Variants in MCF2L2 observed in about 807,000 individuals in gnomAD.
MCF2L2 encodes the protein probable guanine nucleotide exchange factor MCF2L2.
In MCF2L2, 102 loss-of-function variants were observed where a neutral mutation model predicts 150.2. The ratio of observed to expected loss-of-function variants is 0.68; its 90% CI spans 0.58 to 0.80. The LOEUF (loss-of-function observed/expected upper bound fraction) is 0.80. MCF2L2 is among the 30% of genes least tolerant of loss of function. MCF2L2 has a pLI of 0.00. For missense variants in MCF2L2, 1,256 were observed against 1,372.8 expected, an observed-to-expected ratio of 0.91 and a Z score of 1.34; for synonymous variants, 465 against 491.3, an observed-to-expected ratio of 0.95 and a Z score of 0.71.
chr3:183,417,969 C>T (rs144048735), intron 1 of MCF2L2, among the ~76,000 whole-genome samples: 13,087 of 152,180 alleles, frequency 0.086, 581 homozygotes, highest in African/African-American at 0.1. Context: ...GGGCAGATCA[C>T]CTGAGGTCAG....
At chr3:183,223,308 T>C (rs1723211283) in intron 20 of MCF2L2, 38 bp downstream of exon 20, 2 of 1,519,600 alleles carry the variant, frequency 1.3e-6, no homozygotes, top group Non-Finnish European at 1.8e-6. Context: ...AGGCGTCTGG[T>C]TTCCCACCAA....
chr3:183,187,262 G>A (rs1721731491), intron 27 of MCF2L2, among the ~76,000 whole-genome samples: 2 of 152,148 alleles, frequency 1.3e-5, no homozygotes, highest in South Asian at 4.1e-4. Flanking sequence ...GAGACCCTGA[G>A]GTACCCGACG....
chr3:183,250,388 C>A (rs2108693769), intron 15 of MCF2L2, among the ~76,000 whole-genome samples: 1 of 152,040 alleles, frequency 6.6e-6, no homozygotes, highest in African/African-American at 2.4e-5. Flanking sequence ...GAGTTCAAGA[C>A]CTGCCTGGCC....
intron 5 of MCF2L2, among the ~76,000 whole-genome samples, chr3:183,337,574 G>GA (rs1306078901): frequency 4.2e-5 from 6 of 142,628 alleles, no homozygotes; most frequent in Admixed American, 6.9e-5. Flanking sequence ...AAAAAAAGAA[G>GA]AAAAAAAAGA....
At chr3:183,349,238 G>C (rs1731017307) in intron 3 of MCF2L2, among the ~76,000 whole-genome samples, 2 of 151,804 alleles carry the variant, frequency 1.3e-5, no homozygotes, top group Admixed American at 6.6e-5. Flanking sequence ...TGTTTTCTTT[G>C]GGTTTCTTAT....
At chr3:183,337,691 C>G (rs971103480) in intron 5 of MCF2L2, among the ~76,000 whole-genome samples, 1 of 152,094 alleles carries the variant, frequency 6.6e-6, no homozygotes, top group African/African-American at 2.4e-5. Context: ...CCCCTATTGT[C>G]AAGCATTACG....
At chr3:183,191,247 T>C (rs935206381) in intron 27 of MCF2L2, among the ~76,000 whole-genome samples, 1 of 128,074 alleles carries the variant, frequency 7.8e-6, no homozygotes, top group South Asian at 2.5e-4. Context: ...TTCCCATATA[T>C]CCCCTGTGCT....
chr3:183,352,959 A>C (rs1212275935), intron 3 of MCF2L2, among the ~76,000 whole-genome samples: 1 of 151,444 alleles, frequency 6.6e-6, no homozygotes, highest in Non-Finnish European at 1.5e-5. Flanking sequence ...ACCAATTACC[A>C]ATCAGAAAAT....
intron 25 of MCF2L2, among the ~76,000 whole-genome samples, chr3:183,205,478 T>G (rs1401542281): frequency 6.6e-6 from 1 of 152,180 alleles, no homozygotes; most frequent in Non-Finnish European, 1.5e-5. Context: ...CCCACTGAAT[T>G]GTATATTTTA....
chr3:183,400,114 TTTTA>T lies in MCF2L2; in HGVS notation c.77-10339_77-10336del, dbSNP rs372115328. ...TATAACCTAATTTTTCAGAAAATGT[TTTTA>T]TTATGAATCTACCTATGAACATATC... On this transcript the variant is annotated intron_variant, in intron 1 of 29. Transcript: ENST00000328913. Among the ~76,000 whole-genome samples, 413 of 152,306 alleles carry T rather than the reference TTTTA, an allele frequency of 2.7e-3. 3 individuals carry two copies. The highest frequency in any genetic ancestry group is 8.0e-3 in the African/African-American group (333 of 41,568).
intron 15 of MCF2L2, among the ~76,000 whole-genome samples, chr3:183,242,100 G>A (rs1462447532): frequency 6.6e-6 from 1 of 152,234 alleles, no homozygotes; most frequent in Non-Finnish European, 1.5e-5. Context: ...GATGTCACTT[G>A]AGTGCTGTTA....
chr3:183,248,559 G>A (rs1167005609), intron 15 of MCF2L2, among the ~76,000 whole-genome samples: 3 of 152,138 alleles, frequency 2.0e-5, no homozygotes, highest in African/African-American at 7.2e-5. Flanking sequence ...TTCAGACCTG[G>A]TGCAGTGGCT....
intron 1 of MCF2L2, among the ~76,000 whole-genome samples, chr3:183,420,948 T>C (rs1293702427): frequency 1.3e-5 from 2 of 152,246 alleles, no homozygotes; most frequent in African/African-American, 4.8e-5. Flanking sequence ...AGCTAAACTA[T>C]ATCAGACAGT....
intron 3 of MCF2L2, among the ~76,000 whole-genome samples, chr3:183,368,269 AT>A (rs575819974): frequency 1.3e-5 from 2 of 152,300 alleles, no homozygotes; most frequent in South Asian, 4.1e-4. Context: ...CCTCCAAGTG[AT>A]TCTGTTGTGT....
At position 183,270,695 on chromosome 3, in the gene MCF2L2, C is replaced by T. The variant is rs1323258276; in HGVS notation, c.1862+6177G>A. 1.2e-6 allele frequency: 2 copies of T among 1,613,836 alleles called. No individual in the cohort carries two copies. Among genetic ancestry groups the T allele is most frequent in the Admixed American group, 3.3e-5 (2 of 59,970 alleles). ...ATAAAATAGGGATAGTACCGCAGGA[C>T]CATGTGTTTTTTTCTGGAGAGGGTA... On this transcript the variant is annotated intron_variant, in intron 15 of 29. Transcript: ENST00000328913. This position sits in a 1 kb window ranked among gnomAD's most constrained non-coding sequence, Gnocchi z 4.5.
rs559636801 is a variant in MCF2L2, at chr3:183,213,726, T to C, written c.2496+2243A>G. ...ACCCTGATAGGGAATGAACAAGAAA[T>C]AGTCCAAGGTGACAGCCATGTAATC... On this transcript the variant is annotated intron_variant, in intron 22 of 29. Transcript: ENST00000328913. Among the ~76,000 whole-genome samples the C allele has an allele frequency of 2.6e-5, 4 of 152,244 alleles. No individual in the cohort carries two copies. The East Asian group carries it at 7.7e-4, about 29-fold the overall frequency.
chr3:183,402,447 C>T (rs1420152295), intron 1 of MCF2L2, among the ~76,000 whole-genome samples: 1 of 70,346 alleles, frequency 1.4e-5, no homozygotes, highest in Non-Finnish European at 3.8e-5. Context: ...GAGCGAGACT[C>T]CATCAAAAAA....
rs1161136236 is a variant in MCF2L2, at chr3:183,270,146, T to C, written c.1862+6726A>G. 45 of 1,614,050 alleles carry C rather than the reference T, an allele frequency of 2.8e-5. No individual in the cohort carries two copies. Among genetic ancestry groups the C allele is most frequent in the Non-Finnish European group, 3.5e-5 (41 of 1,180,032 alleles). ...GAAGGACGTGGGGCAATGAAAATTA[T>C]GTTCGGTCTCAGCTGAATGCCAACA... On this transcript the variant is annotated intron_variant, in intron 15 of 29. Coordinates refer to ENST00000328913, the MANE Select transcript of MCF2L2 (RefSeq NM_015078.4). The surrounding 1 kb of genome is among the most constrained non-coding windows in gnomAD (Gnocchi z 4.5).
chr3:183,338,774 G>T, intron 5 of MCF2L2, 26 bp downstream of exon 5: 1 of 1,582,664 alleles, frequency 6.3e-7, no homozygotes, highest in South Asian at 1.1e-5. Flanking sequence ...CTAACCAAAT[G>T]AGACAAGATG....
Sources: allele counts gnomAD v4.1 joint callset (sites outside exome capture counted in the v4.1 genomes callset), GRCh38; gene constraint gnomAD v4.1.1; non-coding constraint Gnocchi (gnomAD v3.1); transcripts MANE v1.5; gene names NCBI Gene and HGNC (gene_info 2026-07-23, HGNC 2026-07-21).